The following TMPRSS11F variants were observed in gnomAD, a reference collection of about 807,000 sequenced individuals.
The protein encoded by TMPRSS11F is transmembrane protease serine 11F.
In TMPRSS11F, 47 loss-of-function variants were observed where a neutral mutation model predicts 60.2. That is an observed-to-expected ratio of 0.78 (90% CI 0.62 to 1.00). TMPRSS11F has a LOEUF of 1.00. Ranked by LOEUF, TMPRSS11F falls within the 50% of genes least tolerant of loss-of-function variation. The pLI, the probability that TMPRSS11F is intolerant of heterozygous loss-of-function variation, is 0.00. For missense variants in TMPRSS11F, 519 were observed against 522.9 expected (o/e 0.99, Z 0.07); for synonymous variants, 166 against 167.3 (o/e 0.99, Z 0.06).
intron 1 of TMPRSS11F, among the ~76,000 whole-genome samples, chr4:68,128,706 T>C (rs1451226823): frequency 6.6e-6 from 1 of 152,106 alleles, no homozygotes; most frequent in Admixed American, 6.6e-5. Flanking sequence ...AATATAAAAG[T>C]TTTTTCTACT....
chr4:68,100,996 C>G (rs1410659023), intron 1 of TMPRSS11F, among the ~76,000 whole-genome samples: 3 of 152,046 alleles, frequency 2.0e-5, no homozygotes, highest in Non-Finnish European at 4.4e-5. Context: ...TTCCTTTTCC[C>G]CCTTAGTTTT....
intron 3 of TMPRSS11F, 115 bp downstream of exon 3, chr4:68,090,408 A>G (rs1366416139): frequency 2.2e-6 from 3 of 1,393,042 alleles, no homozygotes; most frequent in South Asian, 3.1e-5. Flanking sequence ...CTTACATACT[A>G]TAGTATCTCC....
intron 8 of TMPRSS11F, among the ~76,000 whole-genome samples, chr4:68,060,929 T>C (rs2109830563): frequency 6.6e-6 from 1 of 152,180 alleles, no homozygotes; most frequent in East Asian, 1.9e-4. Flanking sequence ...TATAATAATA[T>C]ATAGTACTTT....
chr4:68,109,073 G>A (rs1009549942), intron 1 of TMPRSS11F, among the ~76,000 whole-genome samples: 5 of 151,964 alleles, frequency 3.3e-5, no homozygotes, highest in African/African-American at 1.2e-4. Context: ...ATGGTTTTTA[G>A]GCATGCATTC....
intron 3 of TMPRSS11F, among the ~76,000 whole-genome samples, chr4:68,075,442 C>A (rs1056666695): frequency 6.6e-6 from 1 of 152,056 alleles, no homozygotes; most frequent in Non-Finnish European, 1.5e-5. Context: ...ACAATCTTAC[C>A]CCTTCATTGG....
intron 7 of TMPRSS11F, among the ~76,000 whole-genome samples, chr4:68,067,567 G>A (rs1186372576): frequency 1.3e-5 from 2 of 152,256 alleles, no homozygotes; most frequent in African/African-American, 2.4e-5. Context: ...AAGATTGGAG[G>A]ACTGTGTGAA....
intron 7 of TMPRSS11F, among the ~76,000 whole-genome samples, chr4:68,066,706 C>T (rs886704256): frequency 2.0e-4 from 31 of 152,226 alleles, no homozygotes; most frequent in Admixed American, 1.4e-3. Flanking sequence ...GAGGCTGAGG[C>T]GGGCGGATCA....
chr4:68,067,858 T>TA, intron 7 of TMPRSS11F, among the ~76,000 whole-genome samples: 1 of 152,260 alleles, frequency 6.6e-6, no homozygotes, highest in Middle Eastern at 3.4e-3. Flanking sequence ...AAAGGGTCTT[T>TA]ATTTAGAGTT....
intron 1 of TMPRSS11F, among the ~76,000 whole-genome samples, chr4:68,120,523 G>A (rs1474392600): frequency 6.6e-6 from 1 of 150,536 alleles, no homozygotes; most frequent in Non-Finnish European, 1.5e-5. Flanking sequence ...CAAGTAGCTG[G>A]GACTACAGGC....
intron 7 of TMPRSS11F, among the ~76,000 whole-genome samples, chr4:68,067,214 C>T (rs1230069884): frequency 2.6e-5 from 4 of 152,118 alleles, no homozygotes; most frequent in African/African-American, 9.7e-5. Flanking sequence ...GGTCTGATCC[C>T]TTTCATTTAA....
At chr4:68,114,456 C>T (rs1318532878) in intron 1 of TMPRSS11F, among the ~76,000 whole-genome samples, 1 of 151,906 alleles carries the variant, frequency 6.6e-6, no homozygotes, top group Non-Finnish European at 1.5e-5. Context: ...AATAAATTTG[C>T]TCATGTAGAT....
At chr4:68,074,349 CA>C (rs1278100091) in intron 3 of TMPRSS11F, among the ~76,000 whole-genome samples, 1 of 152,196 alleles carries the variant, frequency 6.6e-6, no homozygotes, top group African/African-American at 2.4e-5. Flanking sequence ...ACATATTTTA[CA>C]CCTTGTCTGG....
At chr4:68,061,052 T>C (rs926669918) in intron 8 of TMPRSS11F, among the ~76,000 whole-genome samples, 1 of 127,840 alleles carries the variant, frequency 7.8e-6, no homozygotes, top group Non-Finnish European at 1.9e-5. Context: ...TTAATATATA[T>C]AAAACATACT....
At chr4:68,104,318 T>C (rs1724256542) in intron 1 of TMPRSS11F, among the ~76,000 whole-genome samples, 1 of 152,278 alleles carries the variant, frequency 6.6e-6, no homozygotes, top group East Asian at 1.9e-4. Context: ...CTTTATGATG[T>C]GGTTTGGCTG....
At chr4:68,104,197 G>A (rs887349443) in intron 1 of TMPRSS11F, among the ~76,000 whole-genome samples, 2 of 152,122 alleles carry the variant, frequency 1.3e-5, no homozygotes, top group Non-Finnish European at 2.9e-5. Flanking sequence ...GCAAGAGTGG[G>A]CATTCTTGCT....
At chr4:68,063,775 C>G (rs565813731) in intron 8 of TMPRSS11F, among the ~76,000 whole-genome samples, 1 of 151,932 alleles carries the variant, frequency 6.6e-6, no homozygotes, top group Admixed American at 6.6e-5. Context: ...CTTTTAACAC[C>G]CCTAGCAGGT....
intron 8 of TMPRSS11F, among the ~76,000 whole-genome samples, chr4:68,060,593 T>C (rs1723147996): frequency 6.9e-6 from 1 of 144,202 alleles, no homozygotes; most frequent in Admixed American, 6.9e-5. Context: ...GAAACATAAG[T>C]ATCTCTCTTT....
intron 1 of TMPRSS11F, among the ~76,000 whole-genome samples, chr4:68,129,055 C>T (rs1324500381): frequency 1.3e-5 from 2 of 152,076 alleles, no homozygotes; most frequent in Non-Finnish European, 2.9e-5. Context: ...AAATTTGTGT[C>T]TGTAGAAAGA....
At chr4:68,104,671 G>C (rs1724264137) in intron 1 of TMPRSS11F, among the ~76,000 whole-genome samples, 1 of 152,138 alleles carries the variant, frequency 6.6e-6, no homozygotes. Flanking sequence ...AGCAGTGTGA[G>C]AATGGACTAG....
Sources: gnomAD v4.1 joint callset for allele counts (sites outside exome capture counted in the v4.1 genomes callset) on GRCh38, gnomAD v4.1.1 for gene constraint, MANE v1.5 for transcripts, NCBI Gene and HGNC (gene_info 2026-07-23, HGNC 2026-07-21) for gene names.